NIPAL3: variants seen among roughly 807,000 people sequenced by gnomAD.
The protein encoded by NIPAL3 is NIPA-like protein 3.
NIPAL3 carries 41 observed loss-of-function variants against 47.2 expected under a neutral mutation model. The ratio of observed to expected loss-of-function variants is 0.87; its 90% confidence interval spans 0.68 to 1.13. The LOEUF (loss-of-function observed/expected upper bound fraction) is 1.13, where lower values mean the gene tolerates loss of function less well. NIPAL3 is among the 50% of genes most tolerant of loss of function. The pLI, the probability that NIPAL3 is intolerant of heterozygous loss-of-function variation, is 0.00. For synonymous variants in NIPAL3, 194 were observed against 209.6 expected (o/e 0.93, Z 0.64); for missense variants, 449 against 530.1 (o/e 0.85, Z 1.50).
chr1:24,428,800 T>A (rs544031291), intron 2 of NIPAL3, among the ~76,000 whole-genome samples: 1 of 152,190 alleles, frequency 6.6e-6, no homozygotes, highest in Non-Finnish European at 1.5e-5. Flanking sequence ...TGGCCTCCAA[T>A]GTTTTTGCTG....
chr1:24,427,982 A>G (rs888839166), intron 2 of NIPAL3, among the ~76,000 whole-genome samples: 5 of 152,194 alleles, frequency 3.3e-5, no homozygotes, highest in African/African-American at 7.2e-5. Context: ...GAGGTGGCTC[A>G]TGCTTGTAAT....
At chr1:24,421,653 C>T (rs2148747896) in intron 2 of NIPAL3, among the ~76,000 whole-genome samples, 1 of 152,318 alleles carries the variant, frequency 6.6e-6, no homozygotes, top group East Asian at 1.9e-4. Flanking sequence ...ACTAGCACTA[C>T]ACAGTAGGTC....
rs1302877742 is a variant in NIPAL3, at chr1:24,442,135, C to T, written c.243C>T (p.Phe81=). The T allele has an allele frequency of 6.2e-7, 1 of 1,614,210 alleles. No individual in the cohort carries two copies. Residue 81 remains phenylalanine, a synonymous_variant, in exon 4 of 12, where the codon TTC becomes TTT. Coordinates refer to ENST00000374399, the MANE Select transcript of NIPAL3 (RefSeq NM_020448.5). ...FKTKTWWLGL[F]LMLLGELGVF... is the part of the protein sequence containing the mutation. The stretch of plus-strand genomic sequence containing the variant: ...CCAAGACATGGTGGCTGGGCCTGTT[C>T]CTGATGCTTCTGGGCGAGCTGGGTG...
chr1:24,458,987 C>G lies in NIPAL3; in HGVS notation c.862+11C>G. Reference sequence around the variant, plus strand: ...TTGCTATCACAGCAGGTAAGGGTGACCCATTGCTAGATTTCTGTCTTCTAC... The same window carrying G: ...TTGCTATCACAGCAGGTAAGGGTGAGCCATTGCTAGATTTCTGTCTTCTAC... On this transcript the variant is annotated intron_variant, in intron 9 of 11. Coordinates refer to ENST00000374399, the MANE Select transcript of NIPAL3 (RefSeq NM_020448.5). The G allele has an allele frequency of 6.2e-7, 1 of 1,611,272 alleles. No individual in the cohort carries two copies. The highest frequency in any genetic ancestry group is 8.5e-7 in the Non-Finnish European group (1 of 1,177,570).
At chr1:24,436,698 C>T (rs756799601) in intron 2 of NIPAL3, among the ~76,000 whole-genome samples, 7 of 151,788 alleles carry the variant, frequency 4.6e-5, no homozygotes, top group Non-Finnish European at 1.0e-4. Context: ...GGAGTTTCAC[C>T]GTGTTGGCCA....
chr1:24,450,662 G>C (rs1210259802), intron 6 of NIPAL3, among the ~76,000 whole-genome samples: 1 of 152,130 alleles, frequency 6.6e-6, no homozygotes, highest in Non-Finnish European at 1.5e-5. Flanking sequence ...AGAAAACCAG[G>C]GCTCTGAGAG....
At chr1:24,453,906 C>A in intron 7 of NIPAL3, 1 of 412,584 alleles carries the variant, frequency 2.4e-6, no homozygotes, top group Non-Finnish European at 4.7e-6. Flanking sequence ...CTTAGGGATT[C>A]ATTCTGATTC....
rs187162650 is a variant in NIPAL3, at chr1:24,466,817, T to A, written c.1022-2169T>A. Among the ~76,000 whole-genome samples the A allele has an allele frequency of 3.9e-5, 6 of 152,310 alleles. No homozygotes were observed. The East Asian group carries it at 1.2e-3, about 29-fold the overall frequency. On this transcript the variant is annotated intron_variant, in intron 11 of 11. Coordinates refer to ENST00000374399, the MANE Select transcript of NIPAL3 (RefSeq NM_020448.5). ...CCCTGAGAACGGGCACCTCCTCAGC[T>A]CTTCCACTTCCCTCTTCTGCCCTCC... is the stretch of plus-strand genomic sequence containing the variant.
rs554257643 is a variant in NIPAL3, at chr1:24,416,358, C to G, written c.-258+454C>G. 1 of 983,498 alleles carries G rather than the reference C, an allele frequency of 1.0e-6. No individual in the cohort carries two copies. Among genetic ancestry groups the G allele is most frequent in the African/African-American group, 1.7e-5 (1 of 57,298 alleles). 60.9% of individuals were successfully genotyped at this position (983,498 alleles called of 1,614,324 possible). A position where few individuals can be genotyped will look rare whatever the true frequency, so the allele number is the denominator to read the frequency against. The stretch of plus-strand genomic sequence containing the variant: ...AATGTAACCTTCTCGTGAGCCAAAG[C>G]CGAGGAACGGGAAGCTTGGCAGGGA... On this transcript the variant is annotated intron_variant, in intron 1 of 11. Transcript: ENST00000374399. The surrounding 1 kb of genome is among the most constrained non-coding windows in gnomAD (Gnocchi z 4.8).
At position 24,445,176 on chromosome 1, in the gene NIPAL3, A is replaced by AT. The variant is rs1645598374; in HGVS notation, c.335-4dup. On this transcript the variant is annotated splice_polypyrimidine_tract_variant and intron_variant, in intron 4 of 11. Coordinates refer to ENST00000374399, the MANE Select transcript of NIPAL3 (RefSeq NM_020448.5). ...CTCAATTCCCTTTTCTTTGTGCTTC[A>AT]TTTTTCAGCTAGTGCCATCATAGGA... 6.2e-7 allele frequency: 1 copy of AT among 1,606,688 alleles called. No homozygotes were observed. Among genetic ancestry groups the AT allele is most frequent in the Non-Finnish European group, 8.5e-7 (1 of 1,173,524 alleles).
intron 2 of NIPAL3, among the ~76,000 whole-genome samples, chr1:24,420,983 G>T (rs921661374): frequency 6.6e-6 from 1 of 152,172 alleles, no homozygotes; most frequent in African/African-American, 2.4e-5. Context: ...ACCTATCAGT[G>T]CAGCATCTGA....
intron 5 of NIPAL3, among the ~76,000 whole-genome samples, chr1:24,447,366 TA>T (rs1414335632): frequency 1.3e-5 from 2 of 152,194 alleles, no homozygotes; most frequent in Non-Finnish European, 2.9e-5. Flanking sequence ...CTGTTGGGAC[TA>T]TGGGTACTCA....
chr1:24,440,179 T>C lies in NIPAL3; in HGVS notation c.101T>C (p.Leu34Pro). 1.3e-6 allele frequency: 2 copies of C among 1,587,070 alleles called. No homozygotes were observed. The highest frequency in any genetic ancestry group is 1.7e-6 in the Non-Finnish European group (2 of 1,167,440). Reference sequence around the variant, plus strand: ...TGTGAACTTTCCTTACAGGAAAACCTGATTGGCGCCCTCTTGGCGATCTTC... The same window carrying C: ...TGTGAACTTTCCTTACAGGAAAACCCGATTGGCGCCCTCTTGGCGATCTTC... ...SEASFSYKEN[L>P]IGALLAIFGH... The change falls in exon 3 of 12, where the codon CTG becomes CCG. Residue 34 changes from leucine to proline, a missense_variant. Physicochemically the swap from Leu to Pro is moderately conservative, Grantham distance 98. Transcript: ENST00000374399.
intron 2 of NIPAL3, among the ~76,000 whole-genome samples, chr1:24,432,223 G>A (rs1174660566): frequency 6.6e-6 from 1 of 152,168 alleles, no homozygotes; most frequent in Non-Finnish European, 1.5e-5. Flanking sequence ...TCCGCCTTCC[G>A]GGTTAGTGAT....
intron 2 of NIPAL3, chr1:24,420,091 A>G (rs1337289334): frequency 6.5e-6 from 1 of 153,208 alleles, no homozygotes; most frequent in Non-Finnish European, 1.5e-5. Context: ...AAAAGGAAAA[A>G]AAAAAAAAAA....
chr1:24,445,332 A>G (rs1406980935), intron 5 of NIPAL3, 88 bp downstream of exon 5: 10 of 915,878 alleles, frequency 1.1e-5, no homozygotes, highest in Non-Finnish European at 1.1e-5. Context: ...TTCAGAGGTT[A>G]TCTGCCTCCT....
At chr1:24,462,503 A>G (rs1646516521) in intron 10 of NIPAL3, among the ~76,000 whole-genome samples, 2 of 152,220 alleles carry the variant, frequency 1.3e-5, no homozygotes, top group African/African-American at 2.4e-5. Context: ...ACAGTGGCTC[A>G]CGCCTGTAAT....
Position 24,419,489 on chromosome 1 carries a change from C to G in NIPAL3, c.-59C>G, listed in dbSNP as rs1454690847. 2.0e-6 allele frequency: 3 copies of G among 1,504,280 alleles called. No homozygotes were observed. In the African/African-American group the frequency reaches 4.2e-5, roughly 21 times the overall value. 93.2% of individuals were successfully genotyped at this position (1,504,280 alleles called of 1,614,324 possible). ...GAGAGATGGCATCTGGCCTGGGCCC[C>G]GCCTAGCAGCAGCTCCACCTCCTAG... On this transcript the variant is annotated 5_prime_UTR_variant, in exon 2 of 12. Transcript: ENST00000374399.
chr1:24,417,090 C>G (rs143628121), intron 1 of NIPAL3, among the ~76,000 whole-genome samples: 17 of 152,208 alleles, frequency 1.1e-4, no homozygotes, highest in African/African-American at 3.6e-4. Context: ...GTTGATTAGG[C>G]CTTAGAAAGG....
Sources: allele counts gnomAD v4.1 joint callset (sites outside exome capture counted in the v4.1 genomes callset), GRCh38; gene constraint gnomAD v4.1.1; non-coding constraint Gnocchi (gnomAD v3.1); transcripts MANE v1.5; gene names NCBI Gene and HGNC (gene_info 2026-07-23, HGNC 2026-07-21).